The following GARS1 variants were observed in gnomAD, a reference collection of about 807,000 sequenced individuals.
GARS1 encodes glycyl-tRNA synthetase 1.
In GARS1, 46 loss-of-function variants were observed where a neutral mutation model predicts 86.4. The observed-to-expected ratio is 0.53, with a 90% CI of 0.42 to 0.68. The LOEUF (loss-of-function observed/expected upper bound fraction) is 0.68. GARS1 is among the 30% of genes least tolerant of loss of function. The pLI is 0.00. For synonymous variants in GARS1, 342 were observed against 329.8 expected (o/e 1.04, Z -0.40); for missense variants, 797 against 915.6 (o/e 0.87, Z 1.67).
At position 30,611,638 on chromosome 7, in the gene GARS1, C is replaced by G. The variant is rs545927361; in HGVS notation, c.882-458C>G. 2.0e-5 allele frequency among the ~76,000 whole-genome samples: 3 copies of G among 152,292 alleles called. No homozygotes were observed. In the East Asian group the frequency reaches 5.8e-4, roughly 29 times the overall value. On this transcript the variant is annotated intron_variant, in intron 7 of 16. Coordinates refer to ENST00000389266, the MANE Select transcript of GARS1 (RefSeq NM_002047.4). ...TAGCTGGGATTACAGGCATGTGCCACCACGCCTGGCTAATTTTGTGTTTTT... is the reference window on the plus strand; with the variant it reads ...TAGCTGGGATTACAGGCATGTGCCAGCACGCCTGGCTAATTTTGTGTTTTT...
intron 7 of GARS1, among the ~76,000 whole-genome samples, chr7:30,609,933 T>C (rs1791563503): frequency 6.6e-6 from 1 of 152,226 alleles, no homozygotes; most frequent in Non-Finnish European, 1.5e-5. Context: ...TTGGCATATA[T>C]GTATTTTTTT....
intron 12 of GARS1, 140 bp downstream of exon 12, chr7:30,622,602 C>A (rs1783037195): frequency 9.8e-7 from 1 of 1,020,562 alleles, no homozygotes; most frequent in East Asian, 2.4e-5. Flanking sequence ...ACTGTCTTTG[C>A]CGAGATTTTG....
intron 13 of GARS1, among the ~76,000 whole-genome samples, chr7:30,627,528 C>G (rs1303809451): frequency 6.6e-6 from 1 of 152,204 alleles, no homozygotes; most frequent in Non-Finnish European, 1.5e-5. Flanking sequence ...GACCAGTTAT[C>G]TTAGACCTGG....
upstream of GARS1, chr7:30,594,739 G>A: frequency 1.7e-6 from 1 of 603,098 alleles, no homozygotes; most frequent in Non-Finnish European, 2.9e-6. Flanking sequence ...AAAACCTTCG[G>A]CGGGGTCCTT....
At chr7:30,601,943 T>C (rs1791386629) in intron 4 of GARS1, among the ~76,000 whole-genome samples, 3 of 151,192 alleles carry the variant, frequency 2.0e-5, no homozygotes, top group Admixed American at 6.6e-5. Flanking sequence ...CACGTCTGGC[T>C]AATTTTTTTT....
At position 30,632,057 on chromosome 7, in the gene GARS1, G is replaced by A; in HGVS notation, c.1904-190G>A. The A allele has an allele frequency of 1.6e-6, 1 of 625,628 alleles. No individual in the cohort carries two copies. The highest frequency in any genetic ancestry group is 2.8e-6 in the Non-Finnish European group (1 of 352,066). 38.8% of individuals were successfully genotyped at this position (625,628 alleles called of 1,614,324 possible). ...CTATAGCTGTATCAGATGGAGGTATGAGTGAAGATTTGGATTCCCGCAAGG... is the reference window on the plus strand; with the variant it reads ...CTATAGCTGTATCAGATGGAGGTATAAGTGAAGATTTGGATTCCCGCAAGG... On this transcript the variant is annotated intron_variant, in intron 15 of 16. Coordinates refer to ENST00000389266, the MANE Select transcript of GARS1 (RefSeq NM_002047.4). The surrounding 1 kb of genome is among the most constrained non-coding windows in gnomAD (Gnocchi z 4.1).
At chr7:30,631,383 G>A in intron 14 of GARS1, 65 bp from the exon 15 acceptor site, 1 of 1,273,976 alleles carries the variant, frequency 7.8e-7, no homozygotes, top group Non-Finnish European at 1.1e-6. Flanking sequence ...TTTTGGTTTG[G>A]GATATTAGCA....
intron 10 of GARS1, among the ~76,000 whole-genome samples, chr7:30,620,939 C>T (rs1782991237): frequency 6.6e-6 from 1 of 152,090 alleles, no homozygotes; most frequent in Non-Finnish European, 1.5e-5. Context: ...ATTTAATTTC[C>T]ATAATTAAAT....
At chr7:30,606,305 C>CTTTTTT (rs35302357) in intron 6 of GARS1, among the ~76,000 whole-genome samples, 1 of 127,514 alleles carries the variant, frequency 7.8e-6, no homozygotes, top group Non-Finnish European at 1.6e-5. Flanking sequence ...CATTGTTATT[C>CTTTTTT]TTTTTTTTTT....
intron 14 of GARS1, chr7:30,631,021 G>A: frequency 5.4e-6 from 1 of 184,592 alleles, no homozygotes; most frequent in Non-Finnish European, 1.2e-5. Context: ...ATGGGCTTTG[G>A]TTTGGGTCAC....
At chr7:30,612,485 GT>G (rs1421610521) in intron 8 of GARS1, among the ~76,000 whole-genome samples, 2 of 151,804 alleles carry the variant, frequency 1.3e-5, no homozygotes, top group Non-Finnish European at 2.9e-5. Context: ...TGTCTTAAGA[GT>G]CTCACCTGCT....
chr7:30,603,358 G>A, intron 5 of GARS1, 138 bp from the exon 6 acceptor site: 1 of 775,182 alleles, frequency 1.3e-6, no homozygotes. Context: ...CATGACTGCT[G>A]TTGTAAAATC....
In GARS1 at chr7:30,611,718, A is replaced by G. The variant is rs145950066; in HGVS notation, c.882-378A>G. ...AGGCTGATCTCGAACTCCCAACCTC[A>G]GGTGATCCGCCCACTTCAGCCTCCC... On this transcript the variant is annotated intron_variant, in intron 7 of 16. Coordinates refer to ENST00000389266, the MANE Select transcript of GARS1 (RefSeq NM_002047.4). Among the ~76,000 whole-genome samples the G allele has an allele frequency of 6.4e-3, 978 of 152,328 alleles. 10 individuals carry two copies. The highest frequency in any genetic ancestry group is 0.012 in the Non-Finnish European group (819 of 68,032).
At chr7:30,621,747 A>G (rs1187943446) in intron 11 of GARS1, 11 of 571,044 alleles carry the variant, frequency 1.9e-5, no homozygotes, top group South Asian at 6.5e-5. Flanking sequence ...TGCTCTGAAT[A>G]TCTTTCAGAA....
intron 12 of GARS1, among the ~76,000 whole-genome samples, chr7:30,623,946 T>C (rs1258103295): frequency 6.6e-6 from 1 of 152,158 alleles, no homozygotes; most frequent in Non-Finnish European, 1.5e-5. Context: ...TAAGACAAAA[T>C]TCCTACACCC....
Position 30,603,128 on chromosome 7 carries a change from G to T in GARS1, c.658+6G>T. ...TGCTGACCATCTATTAAAAGGTGAG[G>T]TTCTTCATCTCCTTCAGGTAGGATT... On this transcript the variant is annotated splice_donor_region_variant and intron_variant, in intron 5 of 16. Transcript: ENST00000389266. 6.2e-7 allele frequency: 1 copy of T among 1,600,618 alleles called. No homozygotes were observed. The highest frequency in any genetic ancestry group is 8.6e-7 in the Non-Finnish European group (1 of 1,167,890).
At position 30,628,606 on chromosome 7, in the gene GARS1, T is replaced by C. The variant is rs1783174238; in HGVS notation, c.1746T>C (p.Gly582=). 6.2e-7 allele frequency: 1 copy of C among 1,613,146 alleles called. No individual in the cohort carries two copies. Among genetic ancestry groups the C allele is most frequent in the Non-Finnish European group, 8.5e-7 (1 of 1,179,180 alleles). The change falls in exon 14 of 17, where the codon GGT becomes GGC. Residue 582 remains glycine, a synonymous_variant. Coordinates refer to ENST00000389266, the MANE Select transcript of GARS1 (RefSeq NM_002047.4). The part of the protein sequence containing the change: ...PNVIEPSFGL[G]RIMYTVFEHT... ...TAATTGAACCTTCCTTCGGCCTGGG[T>C]AGGATCATGTATACGGTATTTGAAC...
chr7:30,621,229 T>C (rs1699395191), intron 10 of GARS1, among the ~76,000 whole-genome samples, 164 bp from the exon 11 acceptor site: 1 of 152,176 alleles, frequency 6.6e-6, no homozygotes. Context: ...CTGCCTGATA[T>C]ATGAGGCTAT....
chr7:30,598,377 C>CTTTTTTTT (rs1174085518), intron 1 of GARS1, among the ~76,000 whole-genome samples: 26 of 99,604 alleles, frequency 2.6e-4, no homozygotes, highest in East Asian at 9.1e-4. Context: ...TTGCATCATT[C>CTTTTTTTT]TTTTTTTTTT....
Sources: gnomAD v4.1 joint callset for allele counts (sites outside exome capture counted in the v4.1 genomes callset) on GRCh38, gnomAD v4.1.1 for gene constraint, Gnocchi (gnomAD v3.1) non-coding constraint, MANE v1.5 for transcripts, NCBI Gene and HGNC (gene_info 2026-07-23, HGNC 2026-07-21) for gene names.